GSE1: variants seen among roughly 807,000 people sequenced by gnomAD.
The protein encoded by GSE1 is Gse1 coiled-coil protein, also known as genetic suppressor element 1.
Under a neutral mutation model 112.6 loss-of-function variants are expected in GSE1, and 32 were observed. The ratio of observed to expected loss-of-function variants is 0.28; its 90% CI spans 0.21 to 0.38. The LOEUF (loss-of-function observed/expected upper bound fraction) is 0.38, where lower values mean the gene tolerates loss of function less well. Ranked by LOEUF, GSE1 falls within the 10% of genes least tolerant of loss-of-function variation. GSE1 has a pLI of 1.00. For missense variants in GSE1, 2,348 were observed against 1,699.2 expected, an observed-to-expected ratio of 1.38 and a Z score of -6.71; for synonymous variants, 1,115 against 735.6, an observed-to-expected ratio of 1.52 and a Z score of -8.35.
exon 1 of GSE1, chr16:85,169,786 G>C: frequency 1.0e-6 from 1 of 984,236 alleles, no homozygotes; most frequent in Non-Finnish European, 1.2e-6. Flanking sequence ...GTTGGTGTGC[G>C]CCGTGTGCCG....
intron 1 of GSE1, among the ~76,000 whole-genome samples, chr16:85,199,922 G>T (rs1358191452): frequency 6.6e-6 from 1 of 152,158 alleles, no homozygotes; most frequent in African/African-American, 2.4e-5. Context: ...GATGGCCACT[G>T]TGGGATGTGG....
In GSE1 at chr16:85,361,383, C is replaced by A. The variant is rs560420293; in HGVS notation, c.2464+3740C>A. On this transcript the variant is annotated intron_variant, in intron 2 of 2. Coordinates refer to the GSE1 transcript ENST00000637419. ...CACACAGAGACAGGCACAGACCCCC[C>A]CACACACAAACACACAGACACACAC... 3.4e-3 allele frequency among the ~76,000 whole-genome samples: 513 copies of A among 151,066 alleles called. 25 individuals carry two copies. Among genetic ancestry groups the A allele is most frequent in the African/African-American group, 0.012 (485 of 41,086 alleles).
At chr16:85,336,625 G>A (rs1204201326) in intron 1 of GSE1, among the ~76,000 whole-genome samples, 1 of 148,952 alleles carries the variant, frequency 6.7e-6, no homozygotes, top group Non-Finnish European at 1.5e-5. Context: ...TTTTCGAGTT[G>A]AAGTCTCACT....
chr16:85,515,841 C>T (rs1037373174), intron 2 of GSE1, among the ~76,000 whole-genome samples: 1 of 152,098 alleles, frequency 6.6e-6, no homozygotes. Flanking sequence ...AAAGCCGGTC[C>T]CCTCCTGCCT....
chr16:85,305,031 C>T (rs1008801157), intron 1 of GSE1, among the ~76,000 whole-genome samples: 1 of 152,200 alleles, frequency 6.6e-6, no homozygotes, highest in Non-Finnish European at 1.5e-5. Flanking sequence ...CCCATCCAGC[C>T]CAGCTCAACT....
intron 2 of GSE1, among the ~76,000 whole-genome samples, chr16:85,423,725 T>A (rs1344459325): frequency 2.9e-5 from 2 of 68,482 alleles, no homozygotes; most frequent in Non-Finnish European, 4.6e-5. Context: ...CGTGTATCCC[T>A]CTCTCTGTCG....
intron 2 of GSE1, among the ~76,000 whole-genome samples, chr16:85,489,084 T>A (rs2050930141): frequency 6.6e-6 from 1 of 152,212 alleles, no homozygotes; most frequent in South Asian, 2.1e-4. Context: ...TATCCATGTC[T>A]GCAGCGTCCC....
chr16:85,208,777 T>G (rs2075166275), intron 1 of GSE1, among the ~76,000 whole-genome samples: 8 of 151,486 alleles, frequency 5.3e-5, no homozygotes, highest in Non-Finnish European at 1.5e-5. Flanking sequence ...GGGGTGGGGT[T>G]CGCCGCGTGT....
chr16:85,472,744 A>G (rs1269972839), intron 2 of GSE1, among the ~76,000 whole-genome samples: 1 of 152,142 alleles, frequency 6.6e-6, no homozygotes, highest in Non-Finnish European at 1.5e-5. Context: ...ATGACTTTAA[A>G]CGGCCTAAAG....
At chr16:85,313,879 G>A (rs1223560419) in intron 1 of GSE1, among the ~76,000 whole-genome samples, 1 of 152,066 alleles carries the variant, frequency 6.6e-6, no homozygotes, top group African/African-American at 2.4e-5. Flanking sequence ...AACAGCAAAT[G>A]CATCCTGGGG....
chr16:85,483,756 G>C (rs529428812), intron 2 of GSE1, among the ~76,000 whole-genome samples: 2 of 152,390 alleles, frequency 1.3e-5, no homozygotes, highest in Admixed American at 6.5e-5. Context: ...CAGCAGGCTC[G>C]GTGCTTGCCG....
rs564365843 is a variant in GSE1 at position 85,311,499 on chromosome 16, T to C, written c.2284-45964T>C. 2.8e-4 allele frequency among the ~76,000 whole-genome samples: 41 copies of C among 146,142 alleles called. No individual in the cohort carries two copies. The highest frequency in any genetic ancestry group is 8.9e-4 in the African/African-American group (36 of 40,576). On this transcript the variant is annotated intron_variant, in intron 1 of 2. Coordinates refer to the GSE1 transcript ENST00000637419. The surrounding 1 kb of genome is among the most constrained non-coding windows in gnomAD (Gnocchi z 4.2). ...CTCGGCTGCCTCCCACCGTGGGACA[T>C]TGGGGAGGGAGGGAGGGAGGGAAGG...
At chr16:85,497,667 A>C (rs2051225564) in intron 2 of GSE1, among the ~76,000 whole-genome samples, 1 of 152,220 alleles carries the variant, frequency 6.6e-6, no homozygotes, top group South Asian at 2.1e-4. Flanking sequence ...ACATCTACAA[A>C]GACCCCATCT....
intron 2 of GSE1, among the ~76,000 whole-genome samples, chr16:85,420,276 C>T (rs371817597): frequency 2.0e-4 from 31 of 152,204 alleles, no homozygotes; most frequent in East Asian, 3.9e-4. Context: ...CCCAGGTTGT[C>T]GCCCTAGTAC....
intron 1 of GSE1, among the ~76,000 whole-genome samples, chr16:85,350,941 G>A (rs914473810): frequency 6.6e-5 from 10 of 152,152 alleles, no homozygotes; most frequent in African/African-American, 1.7e-4. Context: ...TACCGTGCCC[G>A]GCTAATTATT....
intron 1 of GSE1, among the ~76,000 whole-genome samples, chr16:85,618,309 GC>G (rs1269709649): frequency 3.9e-5 from 6 of 152,160 alleles, no homozygotes; most frequent in Non-Finnish European, 2.9e-5. Context: ...GGATGCAGAG[GC>G]CCTCTGGCAG....
chr16:85,387,026 C>A (rs1036280348), intron 2 of GSE1, among the ~76,000 whole-genome samples: 1 of 152,144 alleles, frequency 6.6e-6, no homozygotes, highest in Admixed American at 6.5e-5. Flanking sequence ...GAGTTCTTGA[C>A]AATTTGAACG....
At position 85,407,925 on chromosome 16, in the gene GSE1, T is replaced by A. The variant is rs140281512; in HGVS notation, c.2464+50282T>A. 2.5e-3 allele frequency among the ~76,000 whole-genome samples: 46 copies of A among 18,756 alleles called. 4 individuals carry two copies. The highest frequency in any genetic ancestry group is 3.0e-3 in the African/African-American group (11 of 3,666). 12.3% of individuals were successfully genotyped at this position (18,756 alleles called of 152,430 possible). A position where few individuals can be genotyped will look rare whatever the true frequency, so the allele number is the denominator to read the frequency against. On this transcript the variant is annotated intron_variant, in intron 2 of 2. Transcript: ENST00000637419. ...CCCCCTGGATAATCCTCACCGTTAC[T>A]CTCAGGCCCCCCTGGATAATCCTCA...
chr16:85,414,869 C>G (rs754387080), intron 2 of GSE1, among the ~76,000 whole-genome samples: 1 of 152,204 alleles, frequency 6.6e-6, no homozygotes, highest in Non-Finnish European at 1.5e-5. Flanking sequence ...CTCCTGACCT[C>G]AGGCGATCCA....
Sources: allele counts gnomAD v4.1 joint callset (sites outside exome capture counted in the v4.1 genomes callset), GRCh38; gene constraint gnomAD v4.1.1; non-coding constraint Gnocchi (gnomAD v3.1); transcripts MANE v1.5; gene names NCBI Gene and HGNC (gene_info 2026-07-23, HGNC 2026-07-21).